KCNK9: variants seen among roughly 807,000 people sequenced by gnomAD.
KCNK9 encodes potassium channel subfamily K member 9.
In KCNK9, 1 loss-of-function variant was observed where a neutral mutation model predicts 10.8. The ratio of observed to expected loss-of-function variants is 0.09; its 90% CI spans 0.03 to 0.44. The LOEUF (loss-of-function observed/expected upper bound fraction) is 0.44, where lower values mean the gene tolerates loss of function less well. Ranked by LOEUF, KCNK9 falls within the 20% of genes least tolerant of loss-of-function variation. The probability of loss-of-function intolerance (pLI) is 0.97; values close to 1 mark genes in which losing one functional copy is unlikely to be tolerated. For missense variants in KCNK9, 303 were observed against 515.0 expected (o/e 0.59, Z 3.98); for synonymous variants, 231 against 222.7 (o/e 1.04, Z -0.33).
chr8:139,691,373 T>C (rs899168272), intron 1 of KCNK9, among the ~76,000 whole-genome samples: 18 of 152,180 alleles, frequency 1.2e-4, no homozygotes, highest in African/African-American at 2.9e-4. Flanking sequence ...CATCCTGAAA[T>C]AGTAAGAACA....
At chr8:139,669,702 A>G (rs1354961088) in intron 1 of KCNK9, among the ~76,000 whole-genome samples, 1 of 152,216 alleles carries the variant, frequency 6.6e-6, no homozygotes, top group East Asian at 1.9e-4. Context: ...ACTCCTGTTC[A>G]TGTTGATATT....
At chr8:139,647,533 C>T (rs562855881) in intron 1 of KCNK9, among the ~76,000 whole-genome samples, 1 of 152,276 alleles carries the variant, frequency 6.6e-6, no homozygotes, top group South Asian at 2.1e-4. Flanking sequence ...GGCATGTTCC[C>T]CTGCAGCGAC....
downstream of KCNK9, among the ~76,000 whole-genome samples, chr8:139,610,530 A>T (rs1814389289): frequency 2.0e-5 from 3 of 152,252 alleles, no homozygotes; most frequent in African/African-American, 7.2e-5. Flanking sequence ...AAAGACCAAG[A>T]TCTTATCCAG....
At chr8:139,689,753 C>T (rs1816896312) in intron 1 of KCNK9, among the ~76,000 whole-genome samples, 1 of 151,842 alleles carries the variant, frequency 6.6e-6, no homozygotes, top group Non-Finnish European at 1.5e-5. Context: ...CGCCATTCTC[C>T]TGCCTCAGCC....
chr8:139,658,418 A>G (rs755346491), intron 1 of KCNK9, among the ~76,000 whole-genome samples: 77 of 152,208 alleles, frequency 5.1e-4, no homozygotes, highest in South Asian at 1.2e-3. Context: ...ACACCCCACA[A>G]TGTTGCTGAA....
intron 1 of KCNK9, among the ~76,000 whole-genome samples, chr8:139,645,045 C>T (rs181699570): frequency 2.5e-4 from 38 of 152,322 alleles, no homozygotes; most frequent in East Asian, 1.7e-3. Context: ...GACCCACGCA[C>T]GGGGTGGCTT....
Position 139,659,496 on chromosome 8 carries a change from A to G in KCNK9, c.284-40397T>C, listed in dbSNP as rs191500301. On this transcript the variant is annotated intron_variant, in intron 1 of 1. Transcript: ENST00000520439. ...ACCCTACCCCTGTATTGGTGTGGAA[A>G]GATCTCGAGGATTTTATTTTTGTTG... 3.3e-5 allele frequency among the ~76,000 whole-genome samples: 5 copies of G among 152,172 alleles called. No individual in the cohort carries two copies. In the East Asian group the frequency reaches 9.7e-4, roughly 29 times the overall value.
At chr8:139,624,310 A>C (rs1480787063) in intron 1 of KCNK9, among the ~76,000 whole-genome samples, 1 of 152,200 alleles carries the variant, frequency 6.6e-6, no homozygotes, top group Non-Finnish European at 1.5e-5. Context: ...GACAGACAGC[A>C]CTGACAGCCT....
chr8:139,615,015 A>G (rs1814537820), downstream of KCNK9, among the ~76,000 whole-genome samples: 1 of 152,170 alleles, frequency 6.6e-6, no homozygotes, highest in African/African-American at 2.4e-5. Context: ...GACTTCGACC[A>G]CCTTGCTGAA....
In KCNK9 at chr8:139,618,504, C is replaced by A; in HGVS notation, c.879G>T (p.Leu293=). ...RPRYKADVPD[L]QSVCSCTCYR... is the part of the protein sequence containing the mutation. ...AGCAGGTGCAGGAGCACACAGACTGCAGGTCCGGGACGTCCGCCTTGTACC... is the reference window on the plus strand; with the variant it reads ...AGCAGGTGCAGGAGCACACAGACTGAAGGTCCGGGACGTCCGCCTTGTACC... Residue 293 remains leucine, a synonymous_variant, in exon 2 of 2, where the codon CTG becomes CTT. Transcript: ENST00000520439. The surrounding 1 kb of genome is among the most constrained non-coding windows in gnomAD (Gnocchi z 7.9). The A allele has an allele frequency of 6.2e-7, 1 of 1,613,674 alleles. No individual in the cohort carries two copies. Among genetic ancestry groups the A allele is most frequent in the Non-Finnish European group, 8.5e-7 (1 of 1,180,014 alleles).
downstream of KCNK9, among the ~76,000 whole-genome samples, chr8:139,607,827 C>T (rs566880423): frequency 1.3e-5 from 2 of 152,310 alleles, no homozygotes; most frequent in African/African-American, 4.8e-5. Flanking sequence ...ACCACACTGT[C>T]ACTTCATCCT....
At chr8:139,628,700 G>C (rs886976234) in intron 1 of KCNK9, among the ~76,000 whole-genome samples, 1 of 152,228 alleles carries the variant, frequency 6.6e-6, no homozygotes, top group African/African-American at 2.4e-5. Flanking sequence ...AAGAACTTCA[G>C]TTGCCTTTTG....
chr8:139,619,183 G>C, intron 1 of KCNK9, 84 bp from the exon 2 acceptor site: 1 of 1,466,856 alleles, frequency 6.8e-7, no homozygotes, highest in Middle Eastern at 1.8e-4. Context: ...ACTTGGTGCA[G>C]TGCAGTGCAA....
chr8:139,627,519 A>T (rs765448195), intron 1 of KCNK9, among the ~76,000 whole-genome samples: 1 of 152,196 alleles, frequency 6.6e-6, no homozygotes, highest in Admixed American at 6.5e-5. Context: ...GAACTCAGCC[A>T]CAGAAGATAA....
intron 1 of KCNK9, among the ~76,000 whole-genome samples, chr8:139,673,787 T>G (rs1586682021): frequency 2.0e-5 from 3 of 151,988 alleles, no homozygotes; most frequent in Admixed American, 1.3e-4. Flanking sequence ...AGGGTGCTCT[T>G]GGATACCAGC....
In KCNK9 at chr8:139,617,186, C is replaced by T. The variant is rs139657565; in HGVS notation, c.*1072G>A. Among the ~76,000 whole-genome samples the T allele has an allele frequency of 6.6e-6, 1 of 152,098 alleles. No homozygotes were observed. The highest frequency in any genetic ancestry group is 2.4e-5 in the African/African-American group (1 of 41,416). On this transcript the variant is annotated 3_prime_UTR_variant, in exon 2 of 2. Transcript: ENST00000520439. ...GTCAATTTTCATGAGGAAAAGGAAC[C>T]ACAGCCACATACTAATACCCATTCT...
chr8:139,671,292 C>T (rs1816420424), intron 1 of KCNK9, among the ~76,000 whole-genome samples: 1 of 152,144 alleles, frequency 6.6e-6, no homozygotes, highest in Admixed American at 6.5e-5. Flanking sequence ...ACTGATGCAC[C>T]CTCCTAGGGG....
chr8:139,619,504 A>G (rs921622324), intron 1 of KCNK9, among the ~76,000 whole-genome samples: 2 of 152,220 alleles, frequency 1.3e-5, no homozygotes, highest in African/African-American at 4.8e-5. Flanking sequence ...GAGAACTCCA[A>G]AAGTACCAAG....
intron 1 of KCNK9, among the ~76,000 whole-genome samples, chr8:139,641,168 C>A (rs1245362654): frequency 6.6e-6 from 1 of 152,166 alleles, no homozygotes; most frequent in African/African-American, 2.4e-5. Flanking sequence ...GCCCAGGGAC[C>A]TGTACTTTTG....
Sources: gnomAD v4.1 joint callset for allele counts (sites outside exome capture counted in the v4.1 genomes callset) on GRCh38, gnomAD v4.1.1 for gene constraint, Gnocchi (gnomAD v3.1) non-coding constraint, MANE v1.5 for transcripts, NCBI Gene and HGNC (gene_info 2026-07-23, HGNC 2026-07-21) for gene names.